RBFOX1: variants seen among roughly 807,000 people sequenced by gnomAD.
The protein encoded by RBFOX1 is RNA binding fox-1 homolog 1, also known as RNA binding protein fox-1 homolog 1.
Under a neutral mutation model 57.7 loss-of-function variants are expected in RBFOX1, and 8 were observed. The observed-to-expected ratio is 0.14, with a 90% CI of 0.08 to 0.25. The LOEUF (loss-of-function observed/expected upper bound fraction) is 0.25. RBFOX1 is among the 10% of genes least tolerant of loss of function. The pLI, the probability that RBFOX1 is intolerant of heterozygous loss-of-function variation, is 1.00. For synonymous variants in RBFOX1, 326 were observed against 222.4 expected (o/e 1.47, Z -4.15); for missense variants, 611 against 548.5 (o/e 1.11, Z -1.14).
intron 4 of RBFOX1, among the ~76,000 whole-genome samples, chr16:5,898,559 A>G (rs374997414): frequency 2.0e-5 from 3 of 151,198 alleles, no homozygotes; most frequent in Non-Finnish European, 2.9e-5. Context: ...ATGTAAAATC[A>G]TATTTAATCC....
Position 7,034,412 on chromosome 16 carries a change from G to A in RBFOX1, c.-15-17645G>A, listed in dbSNP as rs560095048. On this transcript the variant is annotated intron_variant, in intron 3 of 15. Coordinates refer to ENST00000550418, the MANE Select transcript of RBFOX1 (RefSeq NM_018723.4). ...AGATCATCAATGCACCAGGGGTCTC[G>A]GGATGATGAAGAGAGTCGCTGCCCT... Among the ~76,000 whole-genome samples, 45 of 152,202 alleles carry A rather than the reference G, an allele frequency of 3.0e-4. No individual in the cohort carries two copies. In the East Asian group the frequency reaches 7.8e-3, roughly 26 times the overall value.
intron 3 of RBFOX1, among the ~76,000 whole-genome samples, chr16:5,766,060 C>G (rs1445101623): frequency 1.3e-5 from 2 of 152,140 alleles, no homozygotes; most frequent in Non-Finnish European, 2.9e-5. Flanking sequence ...CATGGAGCAG[C>G]CAATAGCTCA....
intron 1 of RBFOX1, among the ~76,000 whole-genome samples, chr16:5,381,306 C>T (rs969514237): frequency 3.3e-5 from 5 of 152,180 alleles, no homozygotes; most frequent in African/African-American, 9.7e-5. Context: ...CAAATCTCTC[C>T]GTAAGCTACA....
intron 5 of RBFOX1, among the ~76,000 whole-genome samples, chr16:7,569,961 C>A (rs1341035017): frequency 6.6e-6 from 1 of 152,082 alleles, no homozygotes; most frequent in African/African-American, 2.4e-5. Flanking sequence ...TTTGGGGGAT[C>A]CTTCACATGT....
At chr16:6,830,576 G>C (rs1339973590) in intron 3 of RBFOX1, among the ~76,000 whole-genome samples, 1 of 152,126 alleles carries the variant, frequency 6.6e-6, no homozygotes, top group Non-Finnish European at 1.5e-5. Context: ...GAATGGGGTG[G>C]GGAAATTGAT....
intron 3 of RBFOX1, among the ~76,000 whole-genome samples, chr16:6,980,145 C>T (rs781606647): frequency 3.9e-5 from 6 of 152,150 alleles, no homozygotes; most frequent in Non-Finnish European, 5.9e-5. Flanking sequence ...GAACCTTAAT[C>T]CCTCTTCAAT....
At chr16:6,316,425 C>T (rs2081131152) in intron 1 of RBFOX1, among the ~76,000 whole-genome samples, 1 of 152,164 alleles carries the variant, frequency 6.6e-6, no homozygotes, top group South Asian at 2.1e-4. Flanking sequence ...TAATTCTACT[C>T]ATTGCAAAAT....
At chr16:7,698,183 GGTGTGTGTGTGTGT>G (rs59239865) in intron 14 of RBFOX1, among the ~76,000 whole-genome samples, 149 of 136,210 alleles carry the variant, frequency 1.1e-3, no homozygotes, top group East Asian at 7.2e-3. Context: ...AGTCCAAGAG[GGTGTGTGTGTGTGT>G]GTGTGTGTGT....
At chr16:6,429,181 C>A (rs965833384) in intron 2 of RBFOX1, among the ~76,000 whole-genome samples, 4 of 152,208 alleles carry the variant, frequency 2.6e-5, no homozygotes, top group Non-Finnish European at 5.9e-5. Flanking sequence ...TTTTAATTAT[C>A]ATCAAGCAAG....
chr16:7,079,956 G>C (rs1396941168), intron 4 of RBFOX1, among the ~76,000 whole-genome samples: 5 of 150,114 alleles, frequency 3.3e-5, no homozygotes, highest in African/African-American at 1.2e-4. Flanking sequence ...ACTTAATGCA[G>C]CTGAACTATG....
intron 1 of RBFOX1, among the ~76,000 whole-genome samples, chr16:6,119,592 C>T (rs1012852441): frequency 6.6e-6 from 1 of 152,146 alleles, no homozygotes. Context: ...ATTTTTCATT[C>T]TCCTCCATTT....
chr16:7,588,870 C>G (rs543285333), intron 7 of RBFOX1, among the ~76,000 whole-genome samples: 73 of 152,026 alleles, frequency 4.8e-4, no homozygotes, highest in Admixed American at 2.9e-3. Context: ...GAAAGAAAAC[C>G]CCAGTATTTT....
chr16:7,294,286 A>G (rs1197635108), intron 4 of RBFOX1, among the ~76,000 whole-genome samples: 2 of 151,722 alleles, frequency 1.3e-5, no homozygotes, highest in Middle Eastern at 3.2e-3. Context: ...ACAGACTCCC[A>G]CCCTCTCAAC....
At position 5,287,373 on chromosome 16, in the gene RBFOX1, G is replaced by C. The variant is rs2063421928; in HGVS notation, c.219+47268G>C. Among the ~76,000 whole-genome samples, 3 of 152,268 alleles carry C rather than the reference G, an allele frequency of 2.0e-5. No individual in the cohort carries two copies. In the South Asian group the frequency reaches 6.2e-4, roughly 32 times the overall value. ...TTCTGAATTTCTGGGTAGGTAACTG[G>C]TAGTGTCAGGCCAAACTAGCTCTAC... is the stretch of plus-strand genomic sequence containing the variant. On this transcript the variant is annotated intron_variant, in intron 1 of 2. Coordinates refer to the RBFOX1 transcript ENST00000585867.
At chr16:6,685,414 T>G (rs79681875) in intron 3 of RBFOX1, among the ~76,000 whole-genome samples, 4 of 150,878 alleles carry the variant, frequency 2.7e-5, no homozygotes, top group Non-Finnish European at 4.4e-5. Context: ...TAGCTGAGAT[T>G]ACAGGCATGT....
intron 3 of RBFOX1, among the ~76,000 whole-genome samples, chr16:6,952,729 G>T (rs1039012021): frequency 2.0e-5 from 3 of 152,242 alleles, no homozygotes; most frequent in Admixed American, 2.0e-4. Context: ...TGTCAGCTCA[G>T]CACTTTGGGA....
intron 2 of RBFOX1, among the ~76,000 whole-genome samples, chr16:6,650,599 A>G (rs2098580163): frequency 6.6e-6 from 1 of 152,230 alleles, no homozygotes; most frequent in Non-Finnish European, 1.5e-5. Context: ...GGCACGAAAG[A>G]GGTATTTAAT....
At chr16:7,304,214 CAGAGAGAGAGAGAGAGAGAG>C (rs60200317) in intron 4 of RBFOX1, 3 of 921,052 alleles carry the variant, frequency 3.3e-6, no homozygotes, top group Non-Finnish European at 3.8e-6. Context: ...GAGAGAGAGA[CAGAGAGAGAGAGAGAGAGAG>C]AGAGAGAGAG....
chr16:6,252,524 C>T (rs1486860008), intron 1 of RBFOX1, among the ~76,000 whole-genome samples: 1 of 152,040 alleles, frequency 6.6e-6, no homozygotes, highest in Admixed American at 6.6e-5. Flanking sequence ...GGAAGTCGAC[C>T]CGAAGGAATT....
Sources: allele counts gnomAD v4.1 joint callset (sites outside exome capture counted in the v4.1 genomes callset), GRCh38; gene constraint gnomAD v4.1.1; transcripts MANE v1.5; gene names NCBI Gene and HGNC (gene_info 2026-07-23, HGNC 2026-07-21).